The following ARR3 variants were observed in gnomAD, a reference collection of about 807,000 sequenced individuals.
ARR3 encodes the protein arrestin 3, also known as arrestin-C.
A neutral mutation model predicts 35.4 loss-of-function variants in ARR3; 14 were observed. That is an observed-to-expected ratio of 0.40 (90% CI 0.26 to 0.62). The LOEUF (loss-of-function observed/expected upper bound fraction) is 0.62, where lower values mean the gene tolerates loss of function less well. Among genes scored for constraint, ARR3 ranks in the 20% least tolerant of loss-of-function variants. The pLI, the probability that ARR3 is intolerant of heterozygous loss-of-function variation, is 0.46. For missense variants in ARR3, 259 were observed against 303.8 expected (o/e 0.85, Z 1.10); for synonymous variants, 97 against 119.1 (o/e 0.81, Z 1.21).
chrX:70,274,836 T>G (rs2085645497), intron 5 of ARR3, among the ~76,000 whole-genome samples: 1 of 112,031 alleles, frequency 8.9e-6, no homozygotes, highest in South Asian at 3.8e-4. Flanking sequence ...AGCCCCATGA[T>G]CTAATCACCT....
rs1026616301 is a variant in ARR3 at position 70,280,811 on chromosome X, A to T, written c.1059A>T (p.Pro353=). The change falls in exon 15 of 17, where the codon CCA becomes CCT. Residue 353 remains proline, a synonymous_variant. Transcript: ENST00000307959. Reference sequence around the variant, plus strand: ...CCTTGGTCCTGATCCATCCGAAGCCATCTCATGGTGAGTGACCAGGTGGAA... The same window carrying T: ...CCTTGGTCCTGATCCATCCGAAGCCTTCTCATGGTGAGTGACCAGGTGGAA... ...ELPLVLIHPK[P]SHEAASSEDI... is the part of the protein sequence containing the mutation. 1.2e-5 allele frequency: 15 copies of T among 1,209,063 alleles called. No homozygotes were observed. In the African/African-American group the frequency reaches 2.5e-4, roughly 20 times the overall value.
chrX:70,281,856 C>A, downstream of ARR3: 1 of 755,949 alleles, frequency 1.3e-6, no homozygotes, highest in South Asian at 2.7e-5. Flanking sequence ...CGATCTCTTG[C>A]CTATTTCCTC....
At chrX:70,269,238 G>A in intron 1 of ARR3, 118 bp from the exon 2 acceptor site, 1 of 662,181 alleles carries the variant, frequency 1.5e-6, no homozygotes, top group Non-Finnish European at 2.2e-6. Context: ...ATGTGGGTGA[G>A]GTGTCTGTCT....
At chrX:70,268,590 AC>A (rs1253659961) in intron 1 of ARR3, among the ~76,000 whole-genome samples, 1 of 111,627 alleles carries the variant, frequency 9.0e-6, no homozygotes, top group Admixed American at 9.5e-5. Context: ...CACTAGAGAG[AC>A]ATCTCCCTCT....
At chrX:70,270,663 TTA>T (rs1290043543) in intron 5 of ARR3, among the ~76,000 whole-genome samples, 1 of 110,338 alleles carries the variant, frequency 9.1e-6, no homozygotes, top group South Asian at 3.9e-4. Flanking sequence ...CCTGGATAGA[TTA>T]TAAACTTTTT....
intron 5 of ARR3, among the ~76,000 whole-genome samples, chrX:70,273,528 G>T (rs1014878219): frequency 8.9e-6 from 1 of 111,916 alleles, no homozygotes; most frequent in Admixed American, 9.5e-5. Context: ...GGCCTCCAAA[G>T]GGATTTCGAA....
Position 70,281,703 on chromosome X carries a change from T to G in ARR3, c.1104T>G (p.Phe368Leu). 4.2e-6 allele frequency: 5 copies of G among 1,187,902 alleles called. No individual in the cohort carries two copies. Among genetic ancestry groups the G allele is most frequent in the Non-Finnish European group, 5.7e-6 (5 of 883,299 alleles). The change falls in exon 17 of 17, where the codon TTT becomes TTG. Residue 368 changes from phenylalanine (F) to leucine (L), a missense_variant. Coordinates refer to ENST00000307959, the MANE Select transcript of ARR3 (RefSeq NM_004312.3). ...ASSEDIVIEE[F>L]TRKGEEESQK... ...CTGAGGACATAGTCATCGAGGAGTT[T>G]ACGCGGAAAGGCGAGGAGGAGAGCC...
At chrX:70,278,260 C>A in intron 11 of ARR3, 122 bp downstream of exon 11, 1 of 723,445 alleles carries the variant, frequency 1.4e-6, no homozygotes, top group Non-Finnish European at 2.1e-6. Context: ...GGGAGGGATT[C>A]CCAGGAGAAC....
At position 70,269,788 on chromosome X, in the gene ARR3, G is replaced by C. The variant is rs917065967; in HGVS notation, c.40-55G>C. The stretch of plus-strand genomic sequence containing the variant: ...CAGGGGTCTGGGTTGGGGGTTTCAG[G>C]GGAATCCATTCAAAAATGATTGTGA... On this transcript the variant is annotated intron_variant, in intron 3 of 16. Coordinates refer to ENST00000307959, the MANE Select transcript of ARR3 (RefSeq NM_004312.3). The C allele has an allele frequency of 4.2e-6, 5 of 1,190,405 alleles. No homozygotes were observed. The East Asian group carries it at 1.5e-4, about 36-fold the overall frequency.
At chrX:70,269,944 T>C (rs1191202693) in intron 4 of ARR3, 41 bp downstream of exon 4, 1 of 1,194,309 alleles carries the variant, frequency 8.4e-7, no homozygotes, top group Non-Finnish European at 1.1e-6. Flanking sequence ...GAAAGAGGAA[T>C]GGAAACTAGG....
chrX:70,272,659 C>G (rs1263652959), intron 5 of ARR3, among the ~76,000 whole-genome samples: 1 of 111,696 alleles, frequency 9.0e-6, no homozygotes, highest in Non-Finnish European at 1.9e-5. Flanking sequence ...CTTTCTATAC[C>G]TATTGTCAAA....
chrX:70,270,039 C>A, intron 4 of ARR3, 61 bp from the exon 5 acceptor site: 1 of 1,187,062 alleles, frequency 8.4e-7, no homozygotes, highest in Non-Finnish European at 1.1e-6. Flanking sequence ...AGGGATCATC[C>A]TCTGTTTCAT....
chrX:70,270,189 A>G, intron 5 of ARR3, 45 bp downstream of exon 5: 12 of 1,158,178 alleles, frequency 1.0e-5, no homozygotes, highest in Non-Finnish European at 1.4e-5. Context: ...CAGACAGGTA[A>G]CCCGATGAGT....
intron 14 of ARR3, 45 bp from the exon 15 acceptor site, chrX:70,280,721 G>T (rs896004886): frequency 1.7e-6 from 2 of 1,208,592 alleles, no homozygotes; most frequent in Non-Finnish European, 2.2e-6. Flanking sequence ...CAGGGATTGG[G>T]CTTGTAGAGA....
intron 5 of ARR3, among the ~76,000 whole-genome samples, chrX:70,275,798 T>C (rs1182810755): frequency 9.5e-6 from 1 of 105,171 alleles, no homozygotes; most frequent in East Asian, 3.0e-4. Context: ...GCCTCCCAAG[T>C]AGCTGGGACT....
intron 15 of ARR3, 92 bp from the exon 16 acceptor site, chrX:70,281,007 G>GGT (rs1555941803): frequency 3.1e-6 from 3 of 962,297 alleles, no homozygotes; most frequent in African/African-American, 4.2e-5. Context: ...GAAGTTGGGG[G>GGT]GGGGGGAAGT....
At position 70,281,764 on chromosome X, in the gene ARR3, T is replaced by G. The variant is rs1326214430; in HGVS notation, c.1165T>G (p.Ter389GlyextTer?). The G allele has an allele frequency of 1.7e-6, 2 of 1,167,431 alleles. No homozygotes were observed. The highest frequency in any genetic ancestry group is 2.3e-6 in the Non-Finnish European group (2 of 872,185). Residue 389 changes from the stop codon to glycine (G), a stop_lost, in exon 17 of 17, where the codon TGA becomes GGA. Transcript: ENST00000307959. ...GGAGGCTGAGGGAGATGAGGGGAGCTGAGCACCTCGCTCTGGTGCCCGTCT... is the reference window on the plus strand; with the variant it reads ...GGAGGCTGAGGGAGATGAGGGGAGCGGAGCACCTCGCTCTGGTGCCCGTCT... ...AVEAEGDEGS[*>G]
At chrX:70,276,357 G>C in intron 6 of ARR3, 76 bp downstream of exon 6, 1 of 1,189,987 alleles carries the variant, frequency 8.4e-7, no homozygotes, top group Non-Finnish European at 1.1e-6. Context: ...GACAACAAGG[G>C]AGAGGGTTCC....
Position 70,281,111 on chromosome X carries a change from A to G in ARR3, c.1076+3A>G, listed in dbSNP as rs755242249. 3.5e-5 allele frequency: 42 copies of G among 1,207,021 alleles called. No homozygotes were observed. The highest frequency in any genetic ancestry group is 1.6e-4 in the African/African-American group (9 of 56,455). On this transcript the variant is annotated splice_donor_region_variant and intron_variant, in intron 16 of 16. Transcript: ENST00000307959. ...ATGCTTGCTACAGAGGCCGCTAGGT[A>G]ATGGAATACAAGATTGGGAAGCCCC... is the stretch of plus-strand genomic sequence containing the variant.
Sources: allele counts gnomAD v4.1 joint callset (sites outside exome capture counted in the v4.1 genomes callset), GRCh38; gene constraint gnomAD v4.1.1; transcripts MANE v1.5; gene names NCBI Gene and HGNC (gene_info 2026-07-23, HGNC 2026-07-21).